SMO: variants seen among roughly 807,000 people sequenced by gnomAD.
The protein encoded by SMO is smoothened, frizzled class receptor, also known as protein smoothened.
SMO carries 40 observed loss-of-function variants against 81.6 expected under a neutral mutation model. That is an observed-to-expected ratio of 0.49 (90% CI 0.38 to 0.64). SMO has a LOEUF of 0.64. Among genes scored for constraint, SMO ranks in the 30% least tolerant of loss-of-function variants. The pLI, the probability that SMO is intolerant of heterozygous loss-of-function variation, is 0.00. For synonymous variants in SMO, 434 were observed against 432.1 expected (o/e 1.00, Z -0.05); for missense variants, 916 against 1,061.1 (o/e 0.86, Z 1.90).
In SMO at chr7:129,210,369, G is replaced by A. The variant is rs2150653644; in HGVS notation, c.1473G>A (p.Gln491=). 1 of 1,613,796 alleles carries A rather than the reference G, an allele frequency of 6.2e-7. No homozygotes were observed. Among genetic ancestry groups the A allele is most frequent in the South Asian group, 1.1e-5 (1 of 91,052 alleles). ...ERSFRDYVLC[Q]ANVTIGLPTK... is the part of the protein sequence containing the mutation. ...CTACGTTCCCTCACTGTAGATGTCAGGCCAATGTGACCATCGGGCTGCCCA... is the reference window on the plus strand; with the variant it reads ...CTACGTTCCCTCACTGTAGATGTCAAGCCAATGTGACCATCGGGCTGCCCA... Residue 491 remains glutamine (Q), a synonymous_variant, in exon 9 of 12, where the codon CAG becomes CAA. Coordinates refer to ENST00000249373, the MANE Select transcript of SMO (RefSeq NM_005631.5). This position sits in a 1 kb window ranked among gnomAD's most constrained non-coding sequence, Gnocchi z 4.7.
intron 1 of SMO, among the ~76,000 whole-genome samples, chr7:129,192,587 G>A (rs1290848196): frequency 1.3e-5 from 2 of 152,230 alleles, no homozygotes; most frequent in South Asian, 4.1e-4. Flanking sequence ...AGACGATGGC[G>A]GTTGGGACTG....
At position 129,211,559 on chromosome 7, in the gene SMO, G is replaced by A. The variant is rs2150655346; in HGVS notation, c.1802-77G>A. The stretch of plus-strand genomic sequence containing the variant: ...AGGGACTGGCTGTGGGAAGATGAAT[G>A]GCACTGACTATGGGAGGCACTGCCA... On this transcript the variant is annotated intron_variant, in intron 10 of 11. Transcript: ENST00000249373. This position sits in a 1 kb window ranked among gnomAD's most constrained non-coding sequence, Gnocchi z 4.6. 2 of 1,492,956 alleles carry A rather than the reference G, an allele frequency of 1.3e-6. No homozygotes were observed. The highest frequency in any genetic ancestry group is 2.3e-5 in the South Asian group (2 of 86,746). 92.5% of individuals were successfully genotyped at this position (1,492,956 alleles called of 1,614,324 possible).
At chr7:129,193,041 A>G (rs1038696260) in intron 1 of SMO, among the ~76,000 whole-genome samples, 1 of 152,098 alleles carries the variant, frequency 6.6e-6, no homozygotes, top group African/African-American at 2.4e-5. Context: ...TTCTTCAGTC[A>G]CTTAGCATCT....
Position 129,211,480 on chromosome 7 carries a change from C to T in SMO, c.1802-156C>T. 1 of 847,120 alleles carries T rather than the reference C, an allele frequency of 1.2e-6. No homozygotes were observed. The highest frequency in any genetic ancestry group is 2.5e-5 in the East Asian group (1 of 39,636). The allele number at this position is 847,120 out of a possible 1,614,324, so 52.5% of individuals were successfully genotyped here. The stretch of plus-strand genomic sequence containing the variant: ...GACGTGAGGCCCTTCTCTTCAGATT[C>T]TGAAGGGGTAGAGATCACCGTGGTT... On this transcript the variant is annotated intron_variant, in intron 10 of 11. Coordinates refer to ENST00000249373, the MANE Select transcript of SMO (RefSeq NM_005631.5). The surrounding 1 kb of genome is among the most constrained non-coding windows in gnomAD (Gnocchi z 4.6).
rs1264989185 is a variant in SMO, at chr7:129,211,144, C to T, written c.1801+31C>T. ...CCTCACCCCTCCTCTACCGGAGCCG[C>T]CTGGCCCCGCGCTGCCCATGTGCTA... On this transcript the variant is annotated intron_variant, in intron 10 of 11. Transcript: ENST00000249373. This position sits in a 1 kb window ranked among gnomAD's most constrained non-coding sequence, Gnocchi z 4.6. 6.3e-7 allele frequency: 1 copy of T among 1,582,024 alleles called. No homozygotes were observed.
chr7:129,203,213 T>TA (rs1448540982), intron 1 of SMO, among the ~76,000 whole-genome samples, 171 bp from the exon 2 acceptor site: 2 of 152,214 alleles, frequency 1.3e-5, no homozygotes, highest in Admixed American at 6.5e-5. Flanking sequence ...GGGACAGTCC[T>TA]ATGGTATAAA....
Position 129,205,244 on chromosome 7 carries a change from C to T in SMO, c.579C>T (p.Cys193=), listed in dbSNP as rs199916953. Residue 193 remains cysteine (C), a synonymous_variant, in exon 3 of 12, where the codon TGC becomes TGT. Coordinates refer to ENST00000249373, the MANE Select transcript of SMO (RefSeq NM_005631.5). ...QNIKFNSSGQ[C]EVPLVRTDNP... is the part of the protein sequence containing the mutation. ...TCAAGTTCAACAGTTCAGGCCAGTG[C>T]GAAGTGCCCTTGGTTCGGACAGACA... 4.4e-5 allele frequency: 71 copies of T among 1,614,194 alleles called. No individual in the cohort carries two copies. Among genetic ancestry groups the T allele is most frequent in the South Asian group, 1.4e-4 (13 of 91,084 alleles).
chr7:129,199,442 A>G (rs1793631726), intron 1 of SMO, among the ~76,000 whole-genome samples: 1 of 152,116 alleles, frequency 6.6e-6, no homozygotes, highest in South Asian at 2.1e-4. Context: ...TCGGCCTCCC[A>G]AACTGTTGGG....
chr7:129,193,468 G>T (rs1212178126), intron 1 of SMO, among the ~76,000 whole-genome samples: 1 of 151,934 alleles, frequency 6.6e-6, no homozygotes, highest in Non-Finnish European at 1.5e-5. Flanking sequence ...CAGTTAAAAA[G>T]ATATATATGG....
chr7:129,208,660 T>A lies in SMO; in HGVS notation c.1265-99T>A. On this transcript the variant is annotated intron_variant, in intron 6 of 11. Transcript: ENST00000249373. The surrounding 1 kb of genome is among the most constrained non-coding windows in gnomAD (Gnocchi z 5.2). ...TCATTTAGCACAGGGGTAATCAGAC[T>A]TGGGACTCCAGAGCCTTAGGACCCT... 2.8e-6 allele frequency: 2 copies of A among 719,500 alleles called. No individual in the cohort carries two copies. 44.6% of individuals were successfully genotyped at this position (719,500 alleles called of 1,614,324 possible).
rs759996530 is a variant in SMO, at chr7:129,212,212, C to T, written c.2125C>T (p.Arg709Trp). Residue 709 changes from arginine to tryptophan, a missense_variant, in exon 12 of 12, where the codon CGG becomes TGG. Coordinates refer to ENST00000249373, the MANE Select transcript of SMO (RefSeq NM_005631.5). The surrounding 1 kb of genome is among the most constrained non-coding windows in gnomAD (Gnocchi z 5.0). ...CATTCCTCGACTGCCTCAGCTGCCC[C>T]GGCAGAAATGCCTGGTGGCTGCAGG... ...STIPRLPQLP[R>W]QKCLVAAGAW... is the part of the protein sequence containing the mutation. 9 of 1,572,832 alleles carry T rather than the reference C, an allele frequency of 5.7e-6. No homozygotes were observed. Among genetic ancestry groups the T allele is most frequent in the African/African-American group, 4.1e-5 (3 of 73,822 alleles).
intron 1 of SMO, among the ~76,000 whole-genome samples, chr7:129,197,016 C>CAAAAAAA: frequency 8.8e-6 from 1 of 113,400 alleles, no homozygotes; most frequent in Non-Finnish European, 1.7e-5. Context: ...GACACCGTCT[C>CAAAAAAA]AAAAAAAAAA....
At chr7:129,199,182 C>CTTTTTTTTTTTTTTTTTTTT (rs71526090) in intron 1 of SMO, among the ~76,000 whole-genome samples, 2 of 126,650 alleles carry the variant, frequency 1.6e-5, no homozygotes, top group Non-Finnish European at 3.2e-5. Context: ...ATTTTCTTTT[C>CTTTTTTTTTTTTTTTTTTTT]TTTTTTTTTT....
At chr7:129,203,915 C>T (rs1793715309) in intron 2 of SMO, among the ~76,000 whole-genome samples, 1 of 151,636 alleles carries the variant, frequency 6.6e-6, no homozygotes, top group South Asian at 2.1e-4. Flanking sequence ...AAGGCGCGAG[C>T]GTGTGAAACA....
At chr7:129,209,839 G>T in intron 8 of SMO, 1 of 186,862 alleles carries the variant, frequency 5.4e-6, no homozygotes, top group Non-Finnish European at 1.1e-5. Flanking sequence ...GGATGGATTG[G>T]AGAGAGTAAG....
At position 129,203,437 on chromosome 7, in the gene SMO, G is replaced by T. The variant is rs41303402; in HGVS notation, c.385G>T (p.Val129Leu). ...WAVIQPLLCA[V>L]YMPKCENDRV... Reference sequence around the variant, plus strand: ...AGTGATCCAGCCCCTGCTGTGTGCCGTATACATGCCCAAGTGTGAGAATGA... The same window carrying T: ...AGTGATCCAGCCCCTGCTGTGTGCCTTATACATGCCCAAGTGTGAGAATGA... The change falls in exon 2 of 12, where the codon GTA (valine) becomes TTA (leucine). Residue 129 changes from valine (V) to leucine (L), a missense_variant. By Grantham distance (32) the Val-to-Leu change is conservative. Around this residue, in one of 4 missense-constraint regions of SMO, gnomAD observed 436 missense variants for 570.9 expected, o/e 0.76. Transcript: ENST00000249373. 1.3e-6 allele frequency: 2 copies of T among 1,566,138 alleles called. No individual in the cohort carries two copies. The highest frequency in any genetic ancestry group is 1.7e-6 in the Non-Finnish European group (2 of 1,154,956).
At position 129,205,436 on chromosome 7, in the gene SMO, G is replaced by A. The variant is rs2075777; in HGVS notation, c.747+24G>A. Reference sequence around the variant, plus strand: ...TGGTCAGCCGCGGGAGGGCAGGCCCGGGGGGCCCTCAGCCTGGAACGTGGG... The same window carrying A: ...TGGTCAGCCGCGGGAGGGCAGGCCCAGGGGGCCCTCAGCCTGGAACGTGGG... On this transcript the variant is annotated intron_variant, in intron 3 of 11. Transcript: ENST00000249373. 1.9e-6 allele frequency: 3 copies of A among 1,598,234 alleles called. No homozygotes were observed. The Admixed American group carries it at 5.2e-5, about 28-fold the overall frequency.
intron 8 of SMO, chr7:129,209,654 A>ATGATACG: frequency 2.2e-6 from 1 of 453,206 alleles, no homozygotes; most frequent in Non-Finnish European, 4.0e-6. Flanking sequence ...GTGACTGTTA[A>ATGATACG]GCAGCCAGTT....
At chr7:129,203,613 C>G (rs1231207241) in intron 2 of SMO, 24 bp downstream of exon 2, 4 of 1,575,286 alleles carry the variant, frequency 2.5e-6, no homozygotes, top group Non-Finnish European at 2.6e-6. Flanking sequence ...GAGACAAGGT[C>G]CAGGCTCTCT....
Sources: allele counts gnomAD v4.1 joint callset (sites outside exome capture counted in the v4.1 genomes callset), GRCh38; gene constraint gnomAD v4.1.1; regional missense constraint gnomAD v4.1.1; non-coding constraint Gnocchi (gnomAD v3.1); transcripts MANE v1.5; gene names NCBI Gene and HGNC (gene_info 2026-07-23, HGNC 2026-07-21).